The following FRYL variants were observed in gnomAD, a reference collection of about 807,000 sequenced individuals.
FRYL encodes FRY like transcription coactivator, also known as protein furry homolog-like.
FRYL carries 150 observed loss-of-function variants against 351.2 expected under a neutral mutation model. The ratio of observed to expected loss-of-function variants is 0.43; its 90% CI spans 0.37 to 0.49. The LOEUF is 0.49. Ranked by LOEUF, FRYL falls within the 20% of genes least tolerant of loss-of-function variation. The pLI is 0.00. For missense variants in FRYL, 3,036 were observed against 3,619.3 expected, an observed-to-expected ratio of 0.84 and a Z score of 4.13; for synonymous variants, 1,153 against 1,257.1, an observed-to-expected ratio of 0.92 and a Z score of 1.75.
chr4:48,541,949 GA>G, intron 45 of FRYL, 77 bp downstream of exon 45: 3 of 991,860 alleles, frequency 3.0e-6, no homozygotes, highest in Non-Finnish European at 4.8e-6. Context: ...AACAATATTA[GA>G]ATTTTAAAAG....
intron 1 of FRYL, among the ~76,000 whole-genome samples, chr4:48,724,824 G>A (rs1197420912): frequency 3.9e-5 from 6 of 152,210 alleles, no homozygotes; most frequent in Non-Finnish European, 8.8e-5. Context: ...GAAAGGGAGG[G>A]AAACTTGTTG....
intron 2 of FRYL, among the ~76,000 whole-genome samples, chr4:48,698,811 A>G (rs1179496835): frequency 3.3e-5 from 5 of 151,708 alleles, no homozygotes; most frequent in African/African-American, 4.8e-5. Flanking sequence ...CCCCACCCCA[A>G]CCCCCACAAA....
intron 3 of FRYL, among the ~76,000 whole-genome samples, chr4:48,644,553 C>A (rs1756004162): frequency 7.0e-6 from 1 of 142,148 alleles, no homozygotes; most frequent in Non-Finnish European, 1.5e-5. Flanking sequence ...TTCACATGGG[C>A]AAAATTAGAA....
At chr4:48,598,110 C>T (rs1421583055) in intron 13 of FRYL, among the ~76,000 whole-genome samples, 1 of 152,134 alleles carries the variant, frequency 6.6e-6, no homozygotes. Flanking sequence ...AAACCAAAAT[C>T]AGTAAAGCCA....
At position 48,748,617 on chromosome 4, in the gene FRYL, T is replaced by C. The variant is rs117529727; in HGVS notation, c.-384+31461A>G. Among the ~76,000 whole-genome samples the C allele has an allele frequency of 1.2e-4, 18 of 152,300 alleles. No homozygotes were observed. In the East Asian group the frequency reaches 3.5e-3, roughly 29 times the overall value. ...GCTACAGATGGGAAGTAGATACTTA[T>C]CTTGTTTAAGCCACATAAAAAGAAA... On this transcript the variant is annotated intron_variant, in intron 1 of 63. Coordinates refer to ENST00000358350, the MANE Select transcript of FRYL (RefSeq NM_015030.2).
intron 3 of FRYL, among the ~76,000 whole-genome samples, chr4:48,664,848 A>T (rs571839098): frequency 6.6e-6 from 1 of 152,354 alleles, no homozygotes; most frequent in South Asian, 2.1e-4. Context: ...TAAACCACTC[A>T]ATAATGAAGA....
intron 3 of FRYL, among the ~76,000 whole-genome samples, chr4:48,679,429 C>T (rs189550566): frequency 6.6e-6 from 1 of 152,040 alleles, no homozygotes; most frequent in African/African-American, 2.4e-5. Flanking sequence ...TGGGAACTCT[C>T]ATATCCTACC....
rs186257948 is a variant in FRYL, at chr4:48,712,574, G to C, written c.-383-1876C>G. On this transcript the variant is annotated intron_variant, in intron 1 of 63. Transcript: ENST00000358350. ...CAAGAAATATGGTACTGTGTGAAAA[G>C]ACCAAATCTACGTCTGATTGGTGTA... is the stretch of plus-strand genomic sequence containing the variant. Among the ~76,000 whole-genome samples, 270 of 152,306 alleles carry C rather than the reference G, an allele frequency of 1.8e-3. 1 individual carries two copies. Among genetic ancestry groups the C allele is most frequent in the Middle Eastern group, 0.01 (3 of 294 alleles).
chr4:48,598,735 A>T, intron 13 of FRYL: 1 of 348,988 alleles, frequency 2.9e-6, no homozygotes, highest in Non-Finnish European at 4.0e-6. Context: ...TAAATACATT[A>T]GACATGCAAT....
At position 48,766,195 on chromosome 4, in the gene FRYL, C is replaced by T. The variant is rs568555528; in HGVS notation, c.-384+13883G>A. Among the ~76,000 whole-genome samples, 31 of 152,314 alleles carry T rather than the reference C, an allele frequency of 2.0e-4. No individual in the cohort carries two copies. The East Asian group carries it at 2.5e-3, about 12-fold the overall frequency. ...ATCTGTACTCCCACGTTCACTGTGG[C>T]GTTATTCACAATAGCCATAATGTGC... is the stretch of plus-strand genomic sequence containing the variant. On this transcript the variant is annotated intron_variant, in intron 1 of 63. Transcript: ENST00000358350.
chr4:48,659,337 A>G (rs1759948727), intron 3 of FRYL, among the ~76,000 whole-genome samples: 1 of 149,152 alleles, frequency 6.7e-6, no homozygotes, highest in South Asian at 2.2e-4. Context: ...TGGGCAACTA[A>G]GTGAGACTCT....
rs1195942954 is a variant in FRYL at position 48,754,668 on chromosome 4, G to GTTT, written c.-384+25407_-384+25409dup. 4.3e-4 allele frequency among the ~76,000 whole-genome samples: 61 copies of GTTT among 142,226 alleles called. 1 individual carries two copies. The highest frequency in any genetic ancestry group is 6.1e-4 in the East Asian group (3 of 4,924). 93.3% of individuals were successfully genotyped at this position (142,226 alleles called of 152,430 possible). On this transcript the variant is annotated intron_variant, in intron 1 of 63. Coordinates refer to ENST00000358350, the MANE Select transcript of FRYL (RefSeq NM_015030.2). ...TGTGATTTTCTGGGGTTTTTTTGGG[G>GTTT]TTTTTTTTTTTTTTTTTAAATGAGA...
chr4:48,596,553 TA>T (rs796629002), intron 13 of FRYL, among the ~76,000 whole-genome samples: 95 of 152,276 alleles, frequency 6.2e-4, no homozygotes, highest in African/African-American at 2.2e-3. Context: ...TGGGCATTGT[TA>T]TATGATTCTG....
intron 1 of FRYL, among the ~76,000 whole-genome samples, chr4:48,756,193 A>G (rs1773753141): frequency 1.3e-5 from 2 of 150,562 alleles, no homozygotes; most frequent in South Asian, 4.2e-4. Flanking sequence ...AGATTGCACC[A>G]CCACACTCCA....
chr4:48,670,477 AT>A (rs1241809094), intron 3 of FRYL, among the ~76,000 whole-genome samples: 9 of 149,716 alleles, frequency 6.0e-5, no homozygotes, highest in African/African-American at 1.7e-4. Flanking sequence ...TATATATATA[AT>A]TTTTTTTACT....
chr4:48,643,645 T>G (rs1429145850), intron 3 of FRYL, among the ~76,000 whole-genome samples: 1 of 152,142 alleles, frequency 6.6e-6, no homozygotes, highest in African/African-American at 2.4e-5. Context: ...GCAATAATAT[T>G]AAAAAATTAA....
At chr4:48,688,500 G>A (rs953540574) in intron 2 of FRYL, among the ~76,000 whole-genome samples, 27 of 151,842 alleles carry the variant, frequency 1.8e-4, no homozygotes, top group African/African-American at 5.8e-4. Flanking sequence ...AAATATTTAT[G>A]GTCATCCCTT....
At chr4:48,630,688 T>C (rs1184770694) in intron 4 of FRYL, among the ~76,000 whole-genome samples, 1 of 152,212 alleles carries the variant, frequency 6.6e-6, no homozygotes, top group African/African-American at 2.4e-5. Context: ...TGGCTAAAAA[T>C]CCAACTCAGC....
chr4:48,725,357 G>A (rs920780349), intron 1 of FRYL, among the ~76,000 whole-genome samples: 1 of 152,168 alleles, frequency 6.6e-6, no homozygotes, highest in Non-Finnish European at 1.5e-5. Flanking sequence ...TATCCTCTGA[G>A]AGAAAGAGAG....
Sources: allele counts gnomAD v4.1 joint callset (sites outside exome capture counted in the v4.1 genomes callset), GRCh38; gene constraint gnomAD v4.1.1; transcripts MANE v1.5; gene names NCBI Gene and HGNC (gene_info 2026-07-23, HGNC 2026-07-21).